TMEM154: variants seen among roughly 807,000 people sequenced by gnomAD.
TMEM154 encodes transmembrane protein 154.
A neutral mutation model predicts 24.5 loss-of-function variants in TMEM154; 27 were observed. That is an observed-to-expected ratio of 1.10 (90% CI 0.81 to 1.52). The LOEUF (loss-of-function observed/expected upper bound fraction) is 1.52. TMEM154 is among the 40% of genes most tolerant of loss of function. The pLI, the probability that TMEM154 is intolerant of heterozygous loss-of-function variation, is 0.00. For missense variants in TMEM154, 228 were observed against 213.4 expected (o/e 1.07, Z -0.43); for synonymous variants, 67 against 76.8 (o/e 0.87, Z 0.67).
chr4:152,651,901 C>T (rs1267857976), intron 3 of TMEM154, among the ~76,000 whole-genome samples: 2 of 152,190 alleles, frequency 1.3e-5, no homozygotes, highest in Non-Finnish European at 2.9e-5. Flanking sequence ...TGAACACTTA[C>T]ATGCCATTGT....
At position 152,621,792 on chromosome 4, in the gene TMEM154, C is replaced by A. The variant is rs2149774901; in HGVS notation, c.*6754G>T. ...AGTAATCAGGAAAAAAAGAGGTTTT[C>A]TTGTGGATTTTTCCATTTTTACTAG... On this transcript the variant is annotated 3_prime_UTR_variant, in exon 7 of 7. Coordinates refer to ENST00000304385, the MANE Select transcript of TMEM154 (RefSeq NM_152680.3). The A allele has an allele frequency of 6.6e-6, 1 of 151,674 alleles. No homozygotes were observed. Among genetic ancestry groups the A allele is most frequent in the South Asian group, 2.1e-4 (1 of 4,788 alleles). 9.4% of individuals were successfully genotyped at this position (151,674 alleles called of 1,614,324 possible).
intron 1 of TMEM154, among the ~76,000 whole-genome samples, chr4:152,675,534 G>A (rs1728937512): frequency 6.6e-6 from 1 of 152,186 alleles, no homozygotes; most frequent in South Asian, 2.1e-4. Context: ...GGCTGAGGCA[G>A]GAGAATCGCT....
chr4:152,660,590 A>G (rs1484220072), intron 1 of TMEM154, among the ~76,000 whole-genome samples: 4 of 152,312 alleles, frequency 2.6e-5, no homozygotes, highest in Admixed American at 6.5e-5. Context: ...CAGAGCTCAC[A>G]TGGAGGAGTG....
intron 1 of TMEM154, among the ~76,000 whole-genome samples, chr4:152,656,415 T>G (rs1226063718): frequency 6.6e-6 from 1 of 151,958 alleles, no homozygotes; most frequent in Non-Finnish European, 1.5e-5. Flanking sequence ...GGTATCCTAG[T>G]CCCCAGCAAT....
Position 152,625,693 on chromosome 4 carries a change from A to T in TMEM154, c.*2853T>A, listed in dbSNP as rs1328106654. 1 of 151,922 alleles carries T rather than the reference A, an allele frequency of 6.6e-6. No individual in the cohort carries two copies. Among genetic ancestry groups the T allele is most frequent in the Admixed American group, 6.6e-5 (1 of 15,222 alleles). The allele number at this position is 151,922 out of a possible 1,614,324, so 9.4% of individuals were successfully genotyped here. A position where few individuals can be genotyped will look rare whatever the true frequency, so the allele number is the denominator to read the frequency against. ...AGTGAGACTCCATCTCAAAAAAAAA[A>T]AAAAAAAGTCAGGTGAGAAGAAGTA... On this transcript the variant is annotated 3_prime_UTR_variant, in exon 7 of 7. Transcript: ENST00000304385.
At chr4:152,668,286 G>T (rs537076534) in intron 1 of TMEM154, 2 of 147,332 alleles carry the variant, frequency 1.4e-5, no homozygotes, top group Non-Finnish European at 3.0e-5. Flanking sequence ...ACATGAAAGT[G>T]CTTTGAAATG....
At chr4:152,633,807 C>T (rs1013787215) in intron 6 of TMEM154, among the ~76,000 whole-genome samples, 2 of 151,992 alleles carry the variant, frequency 1.3e-5, no homozygotes, top group Admixed American at 6.5e-5. Context: ...GACACTGTCT[C>T]TACAAAAAAT....
chr4:152,664,931 A>ACCTCGG (rs200210633), intron 1 of TMEM154, among the ~76,000 whole-genome samples: 1 of 152,166 alleles, frequency 6.6e-6, no homozygotes, highest in African/African-American at 2.4e-5. Context: ...ATTCTCCTGT[A>ACCTCGG]TATAATGAAG....
At chr4:152,635,342 A>G (rs905390971) in intron 6 of TMEM154, among the ~76,000 whole-genome samples, 6 of 152,274 alleles carry the variant, frequency 3.9e-5, no homozygotes, top group Non-Finnish European at 8.8e-5. Flanking sequence ...AATAAAAGAG[A>G]ATGAAAATAC....
Position 152,628,344 on chromosome 4 carries a change from AGT to A in TMEM154, c.*200_*201del. On this transcript the variant is annotated 3_prime_UTR_variant, in exon 7 of 7. Coordinates refer to ENST00000304385, the MANE Select transcript of TMEM154 (RefSeq NM_152680.3). Reference sequence around the variant, plus strand: ...ATGGATGGCAGCCAGGCCTTTTCCTAGTACTTCTCAATTGCACATTCTTCCAA... The same window carrying A: ...ATGGATGGCAGCCAGGCCTTTTCCTAACTTCTCAATTGCACATTCTTCCAA... 1 of 884,600 alleles carries A rather than the reference AGT, an allele frequency of 1.1e-6. No homozygotes were observed. Among genetic ancestry groups the A allele is most frequent in the Non-Finnish European group, 1.8e-6 (1 of 561,470 alleles). 54.8% of individuals were successfully genotyped at this position (884,600 alleles called of 1,614,324 possible).
intron 1 of TMEM154, among the ~76,000 whole-genome samples, chr4:152,667,937 C>G (rs1257645898): frequency 6.6e-6 from 1 of 152,232 alleles, no homozygotes; most frequent in East Asian, 1.9e-4. Flanking sequence ...AGCACACCTG[C>G]AACTGTAATT....
chr4:152,650,351 C>G (rs1728349161), intron 3 of TMEM154, among the ~76,000 whole-genome samples: 2 of 151,770 alleles, frequency 1.3e-5, no homozygotes. Context: ...GGCATCTTCA[C>G]TAGGAGTAGA....
chr4:152,647,926 G>A (rs1368039980), intron 3 of TMEM154, among the ~76,000 whole-genome samples: 1 of 152,142 alleles, frequency 6.6e-6, no homozygotes, highest in Non-Finnish European at 1.5e-5. Context: ...AGTGTGTGTG[G>A]TTTGAGTCTG....
rs76801872 is a variant in TMEM154 at position 152,634,884 on chromosome 4, C to T, written c.536+6044G>A. Among the ~76,000 whole-genome samples, 1,035 of 152,316 alleles carry T rather than the reference C, an allele frequency of 6.8e-3. 5 individuals are homozygous for T. Among genetic ancestry groups the T allele is most frequent in the Middle Eastern group, 0.024 (7 of 294 alleles). On this transcript the variant is annotated intron_variant, in intron 6 of 6. Transcript: ENST00000304385. ...GCAAAATTGATATGTATTCACTACA[C>T]TCCTTGACTTATGATGGGGCTATCT...
rs1455993077 is a variant in TMEM154 at position 152,665,027 on chromosome 4, T to G, written c.65-12100A>C. Among the ~76,000 whole-genome samples, 5 of 152,204 alleles carry G rather than the reference T, an allele frequency of 3.3e-5. No individual in the cohort carries two copies. In the East Asian group the frequency reaches 9.6e-4, roughly 29 times the overall value. On this transcript the variant is annotated intron_variant, in intron 1 of 6. Transcript: ENST00000304385. ...CAGCCTAGTCTGCCCATAGAATCAC[T>G]GAGGCATCTTTCAATAACCTGATGC...
intron 6 of TMEM154, among the ~76,000 whole-genome samples, chr4:152,630,424 A>T (rs1251139500): frequency 6.6e-6 from 1 of 151,984 alleles, no homozygotes; most frequent in African/African-American, 2.4e-5. Context: ...CCTTTCACTT[A>T]TGTCACCCTG....
At chr4:152,659,047 G>T (rs1032815256) in intron 1 of TMEM154, among the ~76,000 whole-genome samples, 30 of 152,146 alleles carry the variant, frequency 2.0e-4, no homozygotes, top group African/African-American at 6.3e-4. Flanking sequence ...GTATATCAAA[G>T]GAATAATTGC....
intron 1 of TMEM154, among the ~76,000 whole-genome samples, chr4:152,668,166 AG>A (rs377322707): frequency 7.2e-5 from 11 of 152,336 alleles, no homozygotes; most frequent in Non-Finnish European, 1.3e-4. Flanking sequence ...GGAATCCTAC[AG>A]TAACCTGTAG....
At chr4:152,650,609 TCTC>T (rs1728359224) in intron 3 of TMEM154, among the ~76,000 whole-genome samples, 3 of 152,296 alleles carry the variant, frequency 2.0e-5, no homozygotes, top group East Asian at 3.9e-4. Context: ...GATATTTTGA[TCTC>T]CTCCTATGAA....
Sources: allele counts gnomAD v4.1 joint callset (sites outside exome capture counted in the v4.1 genomes callset), GRCh38; gene constraint gnomAD v4.1.1; transcripts MANE v1.5; gene names NCBI Gene and HGNC (gene_info 2026-07-23, HGNC 2026-07-21).